The following C4orf51 variants were observed in gnomAD, a reference collection of about 807,000 sequenced individuals.
The protein encoded by C4orf51 is chromosome 4 open reading frame 51.
In C4orf51, 25 loss-of-function variants were observed where a neutral mutation model predicts 25.2. The observed-to-expected ratio is 0.99, with a 90% CI of 0.72 to 1.39. C4orf51 has a LOEUF of 1.39. Among genes scored for constraint, C4orf51 ranks in the 40% most tolerant of loss-of-function variants. The probability of loss-of-function intolerance (pLI) is 0.00; values close to 1 mark genes in which losing one functional copy is unlikely to be tolerated. For synonymous variants in C4orf51, 100 were observed against 84.5 expected (o/e 1.18, Z -1.01); for missense variants, 252 against 239.6 (o/e 1.05, Z -0.34).
the C4orf51 span, among the ~76,000 whole-genome samples, chr4:145,785,685 A>G: frequency 6.6e-6 from 1 of 152,192 alleles, no homozygotes; most frequent in Non-Finnish European, 1.5e-5. Context: ...GGCCAAGAGA[A>G]CCTAAGTAAT....
At chr4:145,735,374 A>C (rs1454265323), downstream of C4orf51, among the ~76,000 whole-genome samples, 1 of 152,202 alleles carries the variant, frequency 6.6e-6, no homozygotes. Flanking sequence ...CATTGTGAGA[A>C]TTCTTTTCAA....
At chr4:145,696,787 C>T (rs1355593820) in intron 2 of C4orf51, among the ~76,000 whole-genome samples, 155 bp downstream of exon 2, 1 of 152,088 alleles carries the variant, frequency 6.6e-6, no homozygotes, top group Non-Finnish European at 1.5e-5. Flanking sequence ...ACTCTCAGTA[C>T]TTCAGGAGGC....
chr4:145,682,528 AAAGTGGGTT>A (rs1286003906), intron 1 of C4orf51, among the ~76,000 whole-genome samples: 5 of 152,200 alleles, frequency 3.3e-5, no homozygotes, highest in Admixed American at 6.5e-5. Context: ...CTGATCATTT[AAAGTGGGTT>A]AAGTCAGGAA....
chr4:145,780,395 T>C, the C4orf51 span, among the ~76,000 whole-genome samples: 1 of 152,230 alleles, frequency 6.6e-6, no homozygotes, highest in African/African-American at 2.4e-5. Flanking sequence ...CCACACGCTG[T>C]GCCACAGAAA....
At chr4:145,721,903 G>C (rs1404194125) in intron 2 of C4orf51, among the ~76,000 whole-genome samples, 1 of 152,210 alleles carries the variant, frequency 6.6e-6, no homozygotes, top group African/African-American at 2.4e-5. Context: ...TTAGGGAAAA[G>C]GTGAAGCATT....
chr4:145,692,452 G>T (rs1197991301), intron 1 of C4orf51, among the ~76,000 whole-genome samples: 1 of 152,184 alleles, frequency 6.6e-6, no homozygotes, highest in Non-Finnish European at 1.5e-5. Flanking sequence ...GTGACCACCT[G>T]TATCAGACCA....
Position 145,685,290 on chromosome 4 carries a change from C to A in C4orf51, c.233+4854C>A, listed in dbSNP as rs572474773. 3.9e-5 allele frequency among the ~76,000 whole-genome samples: 6 copies of A among 152,236 alleles called. No individual in the cohort carries two copies. The South Asian group carries it at 1.2e-3, about 32-fold the overall frequency. ...ACTGCTGTAAAGACCATATTTTAGGCCATTAAAAAGCAACAATTTTCAAAT... is the reference window on the plus strand; with the variant it reads ...ACTGCTGTAAAGACCATATTTTAGGACATTAAAAAGCAACAATTTTCAAAT... On this transcript the variant is annotated intron_variant, in intron 1 of 5. Transcript: ENST00000438731.
Position 145,763,425 on chromosome 4 carries a change from A to G in C4orf51, n.167-7563A>G, listed in dbSNP as rs1277061752. Reference sequence around the variant, plus strand: ...ACTGTATAGCCAGAAGGCATTATCAATTTTTTCAAAGTATTCTTCTACTTG... The same window carrying G: ...ACTGTATAGCCAGAAGGCATTATCAGTTTTTTCAAAGTATTCTTCTACTTG... On this transcript the variant is annotated intron_variant and non_coding_transcript_variant, in intron 1 of 1. Transcript: ENST00000510096. The surrounding 1 kb of genome is among the most constrained non-coding windows in gnomAD (Gnocchi z 4.6). Among the ~76,000 whole-genome samples, 2 of 152,350 alleles carry G rather than the reference A, an allele frequency of 1.3e-5. No individual in the cohort carries two copies. Among genetic ancestry groups the G allele is most frequent in the Middle Eastern group, 3.4e-3 (1 of 294 alleles).
At chr4:145,730,737 T>G (rs1487245463) in intron 5 of C4orf51, among the ~76,000 whole-genome samples, 1 of 151,960 alleles carries the variant, frequency 6.6e-6, no homozygotes, top group African/African-American at 2.4e-5. Flanking sequence ...ATAAAAAATG[T>G]TATACAAGTA....
At chr4:145,750,412 GT>G (rs55700691) in intron 1 of C4orf51, among the ~76,000 whole-genome samples, 60,451 of 108,058 alleles carry the variant, frequency 0.56, 15,161 homozygotes, top group Non-Finnish European at 0.58. Context: ...TAGGGTAAAA[GT>G]TTTTTTTTTT....
At chr4:145,776,952 G>T in the C4orf51 span, among the ~76,000 whole-genome samples, 3 of 152,198 alleles carry the variant, frequency 2.0e-5, no homozygotes, top group Non-Finnish European at 4.4e-5. Flanking sequence ...AGTAAAAGGA[G>T]CAGGCTTTGC....
chr4:145,683,891 T>C (rs1028925103), intron 1 of C4orf51, among the ~76,000 whole-genome samples: 1 of 152,194 alleles, frequency 6.6e-6, no homozygotes, highest in Non-Finnish European at 1.5e-5. Context: ...AAAGAAATAA[T>C]GGATAAGCTG....
intron 2 of C4orf51, among the ~76,000 whole-genome samples, chr4:145,706,424 G>A (rs1306902634): frequency 6.6e-6 from 1 of 152,062 alleles, no homozygotes; most frequent in Non-Finnish European, 1.5e-5. Flanking sequence ...AAGATAACTT[G>A]GGGCTTCTAG....
the C4orf51 span, among the ~76,000 whole-genome samples, chr4:145,785,245 T>C: frequency 2.0e-5 from 3 of 152,202 alleles, no homozygotes; most frequent in African/African-American, 7.2e-5. Context: ...TGATGAGGAC[T>C]AGTTGGCCAA....
intron 2 of C4orf51, among the ~76,000 whole-genome samples, chr4:145,702,816 A>G (rs1033505849): frequency 1.3e-5 from 2 of 152,028 alleles, no homozygotes; most frequent in African/African-American, 4.8e-5. Context: ...GGCCATCACC[A>G]ATCATTCTAT....
At chr4:145,712,117 G>T (rs932882860) in intron 2 of C4orf51, among the ~76,000 whole-genome samples, 1 of 152,054 alleles carries the variant, frequency 6.6e-6, no homozygotes, top group African/African-American at 2.4e-5. Flanking sequence ...TTGCCAACCA[G>T]CCATTTCCCC....
At chr4:145,777,260 A>G in the C4orf51 span, among the ~76,000 whole-genome samples, 1 of 152,218 alleles carries the variant, frequency 6.6e-6, no homozygotes. Context: ...TTGTATGAAT[A>G]AGTGAGGTTG....
At chr4:145,747,370 T>G (rs1733424851) in intron 1 of C4orf51, among the ~76,000 whole-genome samples, 1 of 148,578 alleles carries the variant, frequency 6.7e-6, no homozygotes, top group Admixed American at 6.7e-5. Context: ...GAGTATTCCT[T>G]CTGTGCCCAG....
chr4:145,788,193 T>TA, the C4orf51 span, among the ~76,000 whole-genome samples: 4 of 152,168 alleles, frequency 2.6e-5, no homozygotes, highest in Non-Finnish European at 4.4e-5. Context: ...GGTAACAGCT[T>TA]AAAAAATACT....
Sources: gnomAD v4.1 joint callset for allele counts (sites outside exome capture counted in the v4.1 genomes callset) on GRCh38, gnomAD v4.1.1 for gene constraint, Gnocchi (gnomAD v3.1) non-coding constraint, MANE v1.5 for transcripts, NCBI Gene and HGNC (gene_info 2026-07-23, HGNC 2026-07-21) for gene names.